The following IPO11 variants were observed in gnomAD, a reference collection of about 807,000 sequenced individuals.
The protein encoded by IPO11 is importin-11.
Under a neutral mutation model 143.2 loss-of-function variants are expected in IPO11, and 66 were observed. The observed-to-expected ratio is 0.46, with a 90% CI of 0.38 to 0.57. The LOEUF (loss-of-function observed/expected upper bound fraction) is 0.57, where lower values mean the gene tolerates loss of function less well. Ranked by LOEUF, IPO11 falls within the 20% of genes least tolerant of loss-of-function variation. The pLI is 0.00. For synonymous variants in IPO11, 385 were observed against 377.8 expected (o/e 1.02, Z -0.22); for missense variants, 1,026 against 1,141.0 (o/e 0.90, Z 1.45).
intron 24 of IPO11, 78 bp downstream of exon 24, chr5:62,537,367 G>A: frequency 1.0e-6 from 1 of 968,716 alleles, no homozygotes; most frequent in South Asian, 1.5e-5. Flanking sequence ...CATTTGGATG[G>A]TTCGCAAGAA....
intron 26 of IPO11, among the ~76,000 whole-genome samples, chr5:62,558,920 A>G (rs1743670186): frequency 6.6e-6 from 1 of 152,214 alleles, no homozygotes; most frequent in Non-Finnish European, 1.5e-5. Context: ...CAAAAGTCAT[A>G]TACATTTTTT....
chr5:62,444,831 T>C (rs1333681648), intron 3 of IPO11, among the ~76,000 whole-genome samples: 2 of 151,790 alleles, frequency 1.3e-5, no homozygotes, highest in Non-Finnish European at 2.9e-5. Flanking sequence ...AACGTGCCAC[T>C]GCACTCCAGC....
intron 24 of IPO11, among the ~76,000 whole-genome samples, chr5:62,546,547 T>A (rs921630349): frequency 6.6e-6 from 1 of 152,052 alleles, no homozygotes; most frequent in African/African-American, 2.4e-5. Flanking sequence ...TGTATACATA[T>A]GTAACAAACC....
At chr5:62,499,975 TCTC>T (rs1180284658) in intron 16 of IPO11, among the ~76,000 whole-genome samples, 1 of 152,136 alleles carries the variant, frequency 6.6e-6, no homozygotes, top group Non-Finnish European at 1.5e-5. Context: ...GCAGCTGTCA[TCTC>T]CTATGATAAC....
intron 19 of IPO11, among the ~76,000 whole-genome samples, chr5:62,507,384 A>G (rs924065017): frequency 3.9e-5 from 6 of 152,136 alleles, no homozygotes; most frequent in African/African-American, 1.4e-4. Flanking sequence ...ACATTAATTC[A>G]TTTGATGGTG....
intron 2 of IPO11, among the ~76,000 whole-genome samples, chr5:62,442,052 G>T (rs1744502981): frequency 6.6e-6 from 1 of 151,794 alleles, no homozygotes; most frequent in South Asian, 2.1e-4. Flanking sequence ...CACCATGTTG[G>T]CCAGGATAGT....
chr5:62,597,474 G>A (rs1186677047), intron 28 of IPO11, among the ~76,000 whole-genome samples: 1 of 152,172 alleles, frequency 6.6e-6, no homozygotes, highest in Non-Finnish European at 1.5e-5. Context: ...GGGAAAGTGA[G>A]GTACAGAAAA....
Position 62,465,976 on chromosome 5 carries a change from A to C in IPO11, c.517-1155A>C, listed in dbSNP as rs116499354. Among the ~76,000 whole-genome samples, 1,108 of 152,320 alleles carry C rather than the reference A, an allele frequency of 7.3e-3. 13 individuals carry two copies. Among genetic ancestry groups the C allele is most frequent in the African/African-American group, 0.025 (1,043 of 41,570 alleles). On this transcript the variant is annotated intron_variant, in intron 5 of 29. Transcript: ENST00000325324. ...CTAGACCATATAGCTCAGTAGTTTT[A>C]TATTCTGCGGTGTGTTTTAAGGGGA...
chr5:62,459,389 A>AAAAT (rs70981011), intron 5 of IPO11, among the ~76,000 whole-genome samples: 14,336 of 151,632 alleles, frequency 0.095, 731 homozygotes, highest in East Asian at 0.14. Context: ...CTCTGTCTCA[A>AAAAT]AAATAAATAA....
chr5:62,555,911 A>G (rs1194547038), intron 26 of IPO11, among the ~76,000 whole-genome samples: 1 of 152,138 alleles, frequency 6.6e-6, no homozygotes, highest in Non-Finnish European at 1.5e-5. Flanking sequence ...CTGTCTCACA[A>G]AGCACTGGAA....
At chr5:62,435,522 C>T (rs182371679) in intron 1 of IPO11, among the ~76,000 whole-genome samples, 2 of 151,836 alleles carry the variant, frequency 1.3e-5, no homozygotes, top group Non-Finnish European at 2.9e-5. Context: ...CACTTGAGAT[C>T]GCGGCTGCCG....
At chr5:62,526,048 T>A in intron 20 of IPO11, 94 bp from the exon 21 acceptor site, 1 of 723,196 alleles carries the variant, frequency 1.4e-6, no homozygotes, top group Non-Finnish European at 2.4e-6. Flanking sequence ...ATTTTTTTAA[T>A]TGGTTTTAGG....
rs377101587 is a variant in IPO11 at position 62,627,354 on chromosome 5, A to G, written c.*36A>G. 9 of 1,586,786 alleles carry G rather than the reference A, an allele frequency of 5.7e-6. No individual in the cohort carries two copies. The African/African-American group carries it at 8.1e-5, about 14-fold the overall frequency. On this transcript the variant is annotated 3_prime_UTR_variant, in exon 30 of 30. Coordinates refer to ENST00000325324, the MANE Select transcript of IPO11 (RefSeq NM_016338.5). The stretch of plus-strand genomic sequence containing the variant: ...CATGTGGCTGCCTCCCCTTTCAGAA[A>G]CAAGCTGAGTAACCCAGCCTGCCGT...
intron 26 of IPO11, among the ~76,000 whole-genome samples, chr5:62,559,707 C>G (rs1042212310): frequency 6.6e-6 from 1 of 151,458 alleles, no homozygotes; most frequent in Admixed American, 6.6e-5. Flanking sequence ...ACCTTAGGTC[C>G]GGAGTTTGAT....
chr5:62,588,125 C>T (rs185438788), intron 27 of IPO11, among the ~76,000 whole-genome samples: 59 of 152,296 alleles, frequency 3.9e-4, no homozygotes, highest in Non-Finnish European at 1.5e-4. Flanking sequence ...TATGCACTTC[C>T]ACTTCAACCA....
intron 19 of IPO11, among the ~76,000 whole-genome samples, chr5:62,513,337 C>T (rs548879918): frequency 4.7e-4 from 51 of 108,130 alleles, no homozygotes; most frequent in African/African-American, 1.0e-3. Context: ...CCCTCCCAGA[C>T]GGGGCGGCTG....
chr5:62,592,840 A>G (rs1745077458), intron 28 of IPO11, among the ~76,000 whole-genome samples: 1 of 152,148 alleles, frequency 6.6e-6, no homozygotes, highest in Non-Finnish European at 1.5e-5. Context: ...AATCGCCCCC[A>G]TGATTCAGTT....
Position 62,467,230 on chromosome 5 carries a change from A to G in IPO11, c.616A>G (p.Ser206Gly), listed in dbSNP as rs748745011. 2 of 1,613,902 alleles carry G rather than the reference A, an allele frequency of 1.2e-6. No homozygotes were observed. The highest frequency in any genetic ancestry group is 1.7e-6 in the Non-Finnish European group (2 of 1,179,954). Residue 206 changes from serine (S) to glycine (G), a missense_variant, in exon 6 of 30, where the codon AGT (serine) becomes GGT (glycine). Around this residue, in one of 5 missense-constraint regions of IPO11, gnomAD observed 429 missense variants for 456.3 expected, o/e 0.94. Coordinates refer to ENST00000325324, the MANE Select transcript of IPO11 (RefSeq NM_016338.5). ...TTCTGGCAATGAAGCTGCAATTTTGAGTTCACTAGAACGAACACTGCTATC... is the reference window on the plus strand; with the variant it reads ...TTCTGGCAATGAAGCTGCAATTTTGGGTTCACTAGAACGAACACTGCTATC... The part of the protein sequence containing the change: ...VSSGNEAAIL[S>G]SLERTLLSLK...
chr5:62,470,182 T>A, intron 6 of IPO11, 68 bp from the exon 7 acceptor site: 1 of 1,464,320 alleles, frequency 6.8e-7, no homozygotes, highest in Non-Finnish European at 9.6e-7. Context: ...CAATTCTGAA[T>A]CTTTCTTGTG....
Sources: allele counts gnomAD v4.1 joint callset (sites outside exome capture counted in the v4.1 genomes callset), GRCh38; gene constraint gnomAD v4.1.1; regional missense constraint gnomAD v4.1.1; transcripts MANE v1.5; gene names NCBI Gene and HGNC (gene_info 2026-07-23, HGNC 2026-07-21).